FABP12: variants seen among roughly 807,000 people sequenced by gnomAD.
The protein encoded by FABP12 is fatty acid-binding protein 12.
FABP12 carries 19 observed loss-of-function variants against 13.7 expected under a neutral mutation model. The observed-to-expected ratio is 1.39, with a 90% CI of 0.97 to 2.04. FABP12 has a LOEUF of 2.04. Among genes scored for constraint, FABP12 ranks in the 30% most tolerant of loss-of-function variants. The probability of loss-of-function intolerance (pLI) is 0.00; values close to 1 mark genes in which losing one functional copy is unlikely to be tolerated. For missense variants in FABP12, 182 were observed against 164.2 expected (o/e 1.11, Z -0.59); for synonymous variants, 61 against 57.0 (o/e 1.07, Z -0.32).
intron 1 of FABP12, among the ~76,000 whole-genome samples, chr8:81,546,908 T>C (rs1300027659): frequency 6.6e-6 from 1 of 152,206 alleles, no homozygotes; most frequent in East Asian, 1.9e-4. Context: ...CAGGTTTTGT[T>C]TGAAGCTAGA....
intron 1 of FABP12, among the ~76,000 whole-genome samples, chr8:81,577,755 G>A (rs762795891): frequency 2.0e-5 from 3 of 152,076 alleles, no homozygotes; most frequent in South Asian, 2.1e-4. Context: ...GTGAGACTCC[G>A]TCTCAAAAAA....
At chr8:81,525,108 T>C in exon 5 of FABP12, 1 of 1,583,258 alleles carries the variant, frequency 6.3e-7, no homozygotes, top group South Asian at 1.2e-5. Context: ...ATAACACTGT[T>C]CACAGTACTT....
intron 1 of FABP12, among the ~76,000 whole-genome samples, chr8:81,566,837 G>C (rs1429062191): frequency 1.3e-5 from 2 of 152,056 alleles, no homozygotes; most frequent in Admixed American, 1.3e-4. Context: ...AGAAATAAAG[G>C]CATACAAATT....
intron 1 of FABP12, among the ~76,000 whole-genome samples, chr8:81,567,628 C>T (rs1170824688): frequency 1.3e-5 from 2 of 152,192 alleles, no homozygotes; most frequent in African/African-American, 2.4e-5. Flanking sequence ...AACTAGACCC[C>T]TTTCTCTTGC....
intron 1 of FABP12, among the ~76,000 whole-genome samples, chr8:81,557,366 T>G (rs1221919251): frequency 2.0e-5 from 3 of 152,198 alleles, no homozygotes; most frequent in Non-Finnish European, 2.9e-5. Context: ...CATTTTCCCT[T>G]TAAGTATTTG....
At chr8:81,550,695 T>A (rs1232406282) in intron 1 of FABP12, among the ~76,000 whole-genome samples, 1 of 152,144 alleles carries the variant, frequency 6.6e-6, no homozygotes, top group African/African-American at 2.4e-5. Context: ...AGTACAATTA[T>A]TGAAAGGCAC....
intron 1 of FABP12, among the ~76,000 whole-genome samples, chr8:81,576,203 CAAAT>C (rs1456625209): frequency 1.3e-5 from 2 of 151,946 alleles, no homozygotes; most frequent in Non-Finnish European, 2.9e-5. Flanking sequence ...GATAAAATCT[CAAAT>C]AAGAAGCACA....
At chr8:81,584,933 A>G (rs1288912461) in intron 1 of FABP12, among the ~76,000 whole-genome samples, 3 of 152,014 alleles carry the variant, frequency 2.0e-5, no homozygotes, top group African/African-American at 7.2e-5. Context: ...CCTGTTGGCC[A>G]TTTGTTTGTC....
chr8:81,541,746 C>T (rs994886476), intron 1 of FABP12, among the ~76,000 whole-genome samples: 12 of 151,830 alleles, frequency 7.9e-5, no homozygotes, highest in East Asian at 1.9e-4. Context: ...CCCATGCTGA[C>T]GATACTTGGA....
At chr8:81,545,401 A>G (rs1269147085) in intron 1 of FABP12, among the ~76,000 whole-genome samples, 2 of 152,258 alleles carry the variant, frequency 1.3e-5, no homozygotes, top group East Asian at 3.8e-4. Flanking sequence ...GATTAAAATG[A>G]CAACTAGAGT....
chr8:81,552,546 CT>C (rs1327145431), intron 1 of FABP12, among the ~76,000 whole-genome samples: 1 of 152,102 alleles, frequency 6.6e-6, no homozygotes, highest in African/African-American at 2.4e-5. Context: ...ACTTGTTAGA[CT>C]GTCAGAGGAA....
At chr8:81,547,750 G>A (rs1406232072) in intron 1 of FABP12, among the ~76,000 whole-genome samples, 2 of 152,174 alleles carry the variant, frequency 1.3e-5, no homozygotes, top group African/African-American at 4.8e-5. Flanking sequence ...TCCTGCCAGT[G>A]TCAGAAATAG....
At chr8:81,539,873 C>A (rs1809303478) in intron 1 of FABP12, among the ~76,000 whole-genome samples, 1 of 152,240 alleles carries the variant, frequency 6.6e-6, no homozygotes, top group African/African-American at 2.4e-5. Flanking sequence ...ACCCCACCTG[C>A]TGCCTGAGCA....
At chr8:81,525,116 C>T (rs1269750133) in exon 5 of FABP12, 1 of 1,577,506 alleles carries the variant, frequency 6.3e-7, no homozygotes, top group Non-Finnish European at 8.6e-7. Flanking sequence ...GTTCACAGTA[C>T]TTTCCTACAA....
chr8:81,578,692 G>A (rs1306892163), intron 1 of FABP12, among the ~76,000 whole-genome samples: 1 of 151,172 alleles, frequency 6.6e-6, no homozygotes, highest in African/African-American at 2.4e-5. Flanking sequence ...CACCATGTTG[G>A]CCAGGATGGT....
chr8:81,560,117 A>G (rs367914170), intron 1 of FABP12, among the ~76,000 whole-genome samples: 1 of 152,204 alleles, frequency 6.6e-6, no homozygotes, highest in African/African-American at 2.4e-5. Flanking sequence ...TCCCTCAGCT[A>G]TATTTACATA....
exon 2 of FABP12, chr8:81,531,357 G>A: frequency 7.2e-7 from 1 of 1,397,846 alleles, no homozygotes; most frequent in Non-Finnish European, 9.9e-7. Flanking sequence ...GTAGTTTCAT[G>A]TGTATGCTGG....
intron 1 of FABP12, among the ~76,000 whole-genome samples, chr8:81,576,736 G>T (rs1402011086): frequency 6.6e-6 from 1 of 152,090 alleles, no homozygotes; most frequent in Admixed American, 6.5e-5. Context: ...AATCTGAGTG[G>T]CTTAAAACCA....
intron 1 of FABP12, among the ~76,000 whole-genome samples, chr8:81,560,545 C>T (rs186772995): frequency 6.6e-6 from 1 of 152,272 alleles, no homozygotes; most frequent in Admixed American, 6.5e-5. Flanking sequence ...ATCAGCCAGA[C>T]AAAACACATT....
Sources: allele counts gnomAD v4.1 joint callset (sites outside exome capture counted in the v4.1 genomes callset), GRCh38; gene constraint gnomAD v4.1.1; transcripts MANE v1.5; gene names NCBI Gene and HGNC (gene_info 2026-07-23, HGNC 2026-07-21).